Variants in PPFIA2 observed in about 807,000 individuals in gnomAD.
The protein encoded by PPFIA2 is PPFI scaffold protein A2.
Under a neutral mutation model 175.5 loss-of-function variants are expected in PPFIA2, and 46 were observed. The observed-to-expected ratio is 0.26, with a 90% CI of 0.21 to 0.34. The LOEUF (loss-of-function observed/expected upper bound fraction) is 0.34, where lower values mean the gene tolerates loss of function less well. Among genes scored for constraint, PPFIA2 ranks in the 10% least tolerant of loss-of-function variants. PPFIA2 has a pLI of 1.00. For synonymous variants in PPFIA2, 568 were observed against 511.4 expected, an observed-to-expected ratio of 1.11 and a Z score of -1.49; for missense variants, 1,179 against 1,506.1, an observed-to-expected ratio of 0.78 and a Z score of 3.60.
At chr12:81,423,698 C>A (rs1371503659) in intron 7 of PPFIA2, among the ~76,000 whole-genome samples, 1 of 152,052 alleles carries the variant, frequency 6.6e-6, no homozygotes, top group Non-Finnish European at 1.5e-5. Context: ...GAAAAGGATG[C>A]CCACTTTTAC....
intron 3 of PPFIA2, among the ~76,000 whole-genome samples, chr12:81,705,639 G>C (rs2077045954): frequency 6.6e-6 from 1 of 152,028 alleles, no homozygotes; most frequent in South Asian, 2.1e-4. Flanking sequence ...TAATACAATA[G>C]ATTCTTGGGG....
At chr12:81,543,198 G>C (rs1300046590) in intron 4 of PPFIA2, among the ~76,000 whole-genome samples, 1 of 152,064 alleles carries the variant, frequency 6.6e-6, no homozygotes, top group East Asian at 1.9e-4. Context: ...GATCCACGGA[G>C]AAATAGCTGA....
chr12:81,360,071 G>C (rs950234699), intron 15 of PPFIA2, among the ~76,000 whole-genome samples: 3 of 151,872 alleles, frequency 2.0e-5, no homozygotes, highest in Non-Finnish European at 4.4e-5. Context: ...GTGGTTAACA[G>C]TTTTAAGGTC....
chr12:81,430,494 C>T (rs1254948026), intron 7 of PPFIA2: 2 of 151,558 alleles, frequency 1.3e-5, no homozygotes, highest in Non-Finnish European at 2.9e-5. Context: ...CTTCAAGAAA[C>T]ATTGAACACC....
At chr12:81,345,943 A>AT (rs1463816617) in intron 18 of PPFIA2, among the ~76,000 whole-genome samples, 5 of 152,158 alleles carry the variant, frequency 3.3e-5, no homozygotes, top group East Asian at 1.9e-4. Flanking sequence ...TTAGCTGGGC[A>AT]TTTTTTCTGG....
intron 7 of PPFIA2, among the ~76,000 whole-genome samples, chr12:81,426,612 C>G (rs944769024): frequency 6.6e-6 from 1 of 152,054 alleles, no homozygotes; most frequent in African/African-American, 2.4e-5. Context: ...CATTAGCAGT[C>G]AATTATCAAT....
At chr12:81,645,486 G>A (rs973734450) in intron 4 of PPFIA2, among the ~76,000 whole-genome samples, 1 of 152,158 alleles carries the variant, frequency 6.6e-6, no homozygotes, top group African/African-American at 2.4e-5. Context: ...AAATAGATAA[G>A]AGTTTTATTT....
At chr12:81,284,067 A>T in intron 25 of PPFIA2, 174 bp downstream of exon 25, 1 of 580,348 alleles carries the variant, frequency 1.7e-6, no homozygotes. Context: ...CTATTTCATT[A>T]AAAAATTTCA....
chr12:81,412,643 G>T (rs1009981214), intron 7 of PPFIA2, among the ~76,000 whole-genome samples: 3 of 151,926 alleles, frequency 2.0e-5, no homozygotes, highest in African/African-American at 7.2e-5. Flanking sequence ...TTGAAAGGCT[G>T]AGGATGAATC....
intron 4 of PPFIA2, among the ~76,000 whole-genome samples, chr12:81,478,442 C>G (rs925854494): frequency 4.6e-5 from 7 of 151,994 alleles, no homozygotes; most frequent in Admixed American, 3.9e-4. Context: ...TATTTCTTGT[C>G]TTCTGCTAGG....
chr12:81,688,882 C>A (rs555867918), intron 3 of PPFIA2, among the ~76,000 whole-genome samples: 1 of 146,970 alleles, frequency 6.8e-6, no homozygotes, highest in African/African-American at 2.5e-5. Context: ...TTTATTTAAC[C>A]GTATCTCTCC....
At chr12:81,478,452 G>A (rs576049477) in intron 4 of PPFIA2, among the ~76,000 whole-genome samples, 2 of 152,000 alleles carry the variant, frequency 1.3e-5, no homozygotes, top group South Asian at 2.1e-4. Context: ...CTTCTGCTAG[G>A]TTTTGAATTT....
rs34030284 is a variant in PPFIA2 at position 81,497,530 on chromosome 12, C to CTTTTTTTTT, written c.304-39673_304-39665dup. ...AGTGACATCCCTATTTCATTGATGTCTTTTTTTTTTTTTTTTTTTTTTTTT... is the reference window on the plus strand; with the variant it reads ...AGTGACATCCCTATTTCATTGATGTCTTTTTTTTTTTTTTTTTTTTTTTTTTTTTTTTTT... On this transcript the variant is annotated intron_variant, in intron 4 of 32. Coordinates refer to ENST00000549396, the MANE Select transcript of PPFIA2 (RefSeq NM_003625.5). Among the ~76,000 whole-genome samples the CTTTTTTTTT allele has an allele frequency of 1.6e-3, 105 of 66,196 alleles. 3 individuals carry two copies. The highest frequency in any genetic ancestry group is 5.4e-3 in the African/African-American group (99 of 18,236). 43.4% of individuals were successfully genotyped at this position (66,196 alleles called of 152,430 possible). A position where few individuals can be genotyped will look rare whatever the true frequency, so the allele number is the denominator to read the frequency against.
intron 4 of PPFIA2, among the ~76,000 whole-genome samples, chr12:81,590,905 G>A (rs750738474): frequency 6.6e-6 from 1 of 152,108 alleles, no homozygotes; most frequent in African/African-American, 2.4e-5. Context: ...TACCAGGAGT[G>A]GGGTATTGCT....
At chr12:81,443,916 G>A (rs1380806689) in intron 6 of PPFIA2, among the ~76,000 whole-genome samples, 4 of 134,584 alleles carry the variant, frequency 3.0e-5, no homozygotes, top group African/African-American at 1.1e-4. Flanking sequence ...GTGCAGTGGC[G>A]CGATCTGGGC....
At chr12:81,571,462 T>G (rs1011857526) in intron 4 of PPFIA2, among the ~76,000 whole-genome samples, 2 of 152,112 alleles carry the variant, frequency 1.3e-5, no homozygotes, top group Non-Finnish European at 2.9e-5. Context: ...TCTATTATAC[T>G]GGTTCAAGGA....
intron 4 of PPFIA2, among the ~76,000 whole-genome samples, chr12:81,548,815 T>C (rs918308171): frequency 6.6e-6 from 1 of 152,176 alleles, no homozygotes; most frequent in African/African-American, 2.4e-5. Flanking sequence ...ACAATAAGTA[T>C]GTTGAATAAA....
chr12:81,363,297 T>A (rs2031725543), intron 14 of PPFIA2, among the ~76,000 whole-genome samples: 1 of 151,076 alleles, frequency 6.6e-6, no homozygotes, highest in South Asian at 2.1e-4. Flanking sequence ...ATTAATTAAT[T>A]TATTTATTTA....
At chr12:81,319,082 T>C (rs2053097746) in intron 22 of PPFIA2, among the ~76,000 whole-genome samples, 1 of 151,734 alleles carries the variant, frequency 6.6e-6, no homozygotes, top group Non-Finnish European at 1.5e-5. Context: ...AATTTTTATT[T>C]TACTCTTTCC....
Sources: allele counts gnomAD v4.1 joint callset (sites outside exome capture counted in the v4.1 genomes callset), GRCh38; gene constraint gnomAD v4.1.1; transcripts MANE v1.5; gene names NCBI Gene and HGNC (gene_info 2026-07-23, HGNC 2026-07-21).